ACCSL: variants seen among roughly 807,000 people sequenced by gnomAD.
ACCSL encodes the protein probable inactive 1-aminocyclopropane-1-carboxylate synthase-like protein 2.
In ACCSL, 55 loss-of-function variants were observed where a neutral mutation model predicts 61.7. The observed-to-expected ratio is 0.89, with a 90% CI of 0.72 to 1.12. The LOEUF is 1.12. ACCSL is among the 50% of genes most tolerant of loss of function. The pLI, the probability that ACCSL is intolerant of heterozygous loss-of-function variation, is 0.00. For synonymous variants in ACCSL, 258 were observed against 264.3 expected, an observed-to-expected ratio of 0.98 and a Z score of 0.23; for missense variants, 632 against 698.0, an observed-to-expected ratio of 0.91 and a Z score of 1.07.
At chr11:43,970,244 C>G in the ACCSL span, among the ~76,000 whole-genome samples, 1 of 152,128 alleles carries the variant, frequency 6.6e-6, no homozygotes, top group South Asian at 2.1e-4. Flanking sequence ...TTTGCTCTGT[C>G]TCTCAGGCTG....
the ACCSL span, among the ~76,000 whole-genome samples, chr11:43,997,273 G>A: frequency 6.6e-6 from 1 of 152,122 alleles, no homozygotes; most frequent in Non-Finnish European, 1.5e-5. Flanking sequence ...CTGCTTCACC[G>A]TGAGATGCTC....
chr11:44,037,282 C>T, the ACCSL span, among the ~76,000 whole-genome samples: 7 of 152,218 alleles, frequency 4.6e-5, no homozygotes, highest in Admixed American at 2.6e-4. Flanking sequence ...CTGGTTGTGA[C>T]AGTGACCAAG....
chr11:43,997,254 C>G, the ACCSL span, among the ~76,000 whole-genome samples: 98,597 of 151,930 alleles, frequency 0.65, 33,862 homozygotes, highest in Middle Eastern at 0.79. Flanking sequence ...AACAGAGGGC[C>G]CCGTCTTGCT....
chr11:43,930,788 T>TA, the ACCSL span, among the ~76,000 whole-genome samples: 1 of 151,952 alleles, frequency 6.6e-6, no homozygotes, highest in Non-Finnish European at 1.5e-5. Context: ...CAACCCATGG[T>TA]AAAAAAGAAA....
the ACCSL span, among the ~76,000 whole-genome samples, chr11:44,024,453 G>C: frequency 0.13 from 16,452 of 127,598 alleles, 1,011 homozygotes; most frequent in East Asian, 0.25. Flanking sequence ...GTGTGTGTGT[G>C]TGTGTGTGTG....
chr11:44,049,960 G>T (rs769861686), intron 1 of ACCSL, 102 bp from the exon 2 acceptor site: 19 of 1,488,980 alleles, frequency 1.3e-5, no homozygotes, highest in Non-Finnish European at 1.8e-5. Context: ...GGATTGAATT[G>T]CCTCATAGGC....
the ACCSL span, among the ~76,000 whole-genome samples, chr11:44,024,480 T>C: frequency 4.0e-5 from 6 of 148,574 alleles, no homozygotes; most frequent in Non-Finnish European, 7.5e-5. Context: ...TGTGTGTGTG[T>C]GTGTATACAT....
rs372781164 is a variant in ACCSL at position 44,051,675 on chromosome 11, G to C, written c.728G>C (p.Cys243Ser). The change falls in exon 5 of 14, where the codon TGC (cysteine) becomes TCC (serine). Residue 243 changes from cysteine to serine, a missense_variant. Cys to Ser is a moderately radical substitution (Grantham distance 112). Coordinates refer to ENST00000378832, the MANE Select transcript of ACCSL (RefSeq NM_001031854.2). ...PENVVVLNGCCSVFCALAMVL... is the reference protein window; with the variant it reads ...PENVVVLNGCSSVFCALAMVL... ...CAGGTGGTGGTTCTAAATGGCTGCTGCTCTGTCTTCTGTGCCCTGGCCATG... is the reference window on the plus strand; with the variant it reads ...CAGGTGGTGGTTCTAAATGGCTGCTCCTCTGTCTTCTGTGCCCTGGCCATG... 6.8e-6 allele frequency: 11 copies of C among 1,614,072 alleles called. No homozygotes were observed. Among genetic ancestry groups the C allele is most frequent in the Non-Finnish European group, 9.3e-6 (11 of 1,180,054 alleles).
chr11:43,944,793 G>A, the ACCSL span: 3 of 152,450 alleles, frequency 2.0e-5, no homozygotes, highest in Non-Finnish European at 4.4e-5. Flanking sequence ...GGCCACCAAG[G>A]TAACAAACTA....
intron 9 of ACCSL, 132 bp from the exon 10 acceptor site, chr11:44,055,908 G>A: frequency 9.7e-7 from 1 of 1,035,792 alleles, no homozygotes; most frequent in Non-Finnish European, 1.4e-6. Flanking sequence ...TGGGACAACT[G>A]TTTCTTGAGC....
chr11:44,049,451 G>A (rs1347306117), intron 1 of ACCSL, among the ~76,000 whole-genome samples: 2 of 134,178 alleles, frequency 1.5e-5, no homozygotes, highest in South Asian at 2.5e-4. Flanking sequence ...AAAAAGGAAT[G>A]TTACCCTAAG....
the ACCSL span, among the ~76,000 whole-genome samples, chr11:43,971,202 A>T: frequency 6.6e-6 from 1 of 151,520 alleles, no homozygotes; most frequent in African/African-American, 2.4e-5. Context: ...GCATGGTGGC[A>T]CATGCCTATA....
intron 3 of ACCSL, 144 bp from the exon 4 acceptor site, chr11:44,051,191 G>C: frequency 3.8e-6 from 3 of 799,500 alleles, no homozygotes; most frequent in Non-Finnish European, 6.5e-6. Context: ...GTGACTTGGG[G>C]AGTTGATGGT....
the ACCSL span, among the ~76,000 whole-genome samples, chr11:44,001,775 C>CTGTGTGTGTGTGTGTGTGTGTGTGTG: frequency 1.0e-5 from 1 of 96,768 alleles, no homozygotes; most frequent in African/African-American, 4.3e-5. Context: ...GGTAAAGGGG[C>CTGTGTGTGTGTGTGTGTGTGTGTGTG]TGTGTGTGTG....
the ACCSL span, among the ~76,000 whole-genome samples, chr11:44,000,153 C>T: frequency 6.6e-6 from 1 of 152,058 alleles, no homozygotes; most frequent in African/African-American, 2.4e-5. Flanking sequence ...GAGATGGAGT[C>T]TTGCTCTGTT....
chr11:43,997,150 T>TAA, the ACCSL span, among the ~76,000 whole-genome samples: 507 of 149,840 alleles, frequency 3.4e-3, 2 homozygotes, highest in Admixed American at 0.014. Flanking sequence ...TGTGGGGAGT[T>TAA]AAAAAAAAAA....
chr11:43,997,600 G>A, the ACCSL span, among the ~76,000 whole-genome samples: 2 of 152,144 alleles, frequency 1.3e-5, no homozygotes, highest in Non-Finnish European at 2.9e-5. Context: ...TTTGAGGAGG[G>A]ATCAAACGTA....
the ACCSL span, among the ~76,000 whole-genome samples, chr11:44,020,837 CCTCA>C: frequency 6.6e-6 from 1 of 151,980 alleles, no homozygotes; most frequent in African/African-American, 2.4e-5. Flanking sequence ...GCCTTCATGT[CCTCA>C]TAGCTTAGCT....
chr11:43,953,227 G>A, the ACCSL span, among the ~76,000 whole-genome samples: 2 of 152,092 alleles, frequency 1.3e-5, no homozygotes, highest in African/African-American at 4.8e-5. Flanking sequence ...ATAAAAGGAT[G>A]AGATATGCCA....
Sources: gnomAD v4.1 joint callset for allele counts (sites outside exome capture counted in the v4.1 genomes callset) on GRCh38, gnomAD v4.1.1 for gene constraint, MANE v1.5 for transcripts, NCBI Gene and HGNC (gene_info 2026-07-23, HGNC 2026-07-21) for gene names.